The following SP4 variants were observed in gnomAD, a reference collection of about 807,000 sequenced individuals.
SP4 encodes transcription factor Sp4.
SP4 carries 19 observed loss-of-function variants against 72.8 expected under a neutral mutation model. The ratio of observed to expected loss-of-function variants is 0.26; its 90% CI spans 0.18 to 0.38. SP4 has a LOEUF of 0.38. Ranked by LOEUF, SP4 falls within the 10% of genes least tolerant of loss-of-function variation. The pLI is 1.00. For synonymous variants in SP4, 395 were observed against 333.1 expected (o/e 1.19, Z -2.02); for missense variants, 1,008 against 926.3 (o/e 1.09, Z -1.14).
At chr7:21,482,818 G>C (rs1187327272) in intron 5 of SP4, 1 of 884,082 alleles carries the variant, frequency 1.1e-6, no homozygotes, top group Non-Finnish European at 1.4e-6. Context: ...AGATCTGTTT[G>C]TACATATATG....
chr7:21,514,095 A>C lies in SP4; in HGVS notation c.*2826A>C, dbSNP rs1214073590. ...GCAAAGCTATGTATTTATCATGGTA[A>C]AACTCCAGTGTTAGAATAGTTTTTT... On this transcript the variant is annotated 3_prime_UTR_variant, in exon 6 of 6. Transcript: ENST00000222584. 6.6e-6 allele frequency: 1 copy of C among 152,622 alleles called. No homozygotes were observed. Among genetic ancestry groups the C allele is most frequent in the African/African-American group, 2.4e-5 (1 of 41,450 alleles). The allele number at this position is 152,622 out of a possible 1,614,324, so 9.5% of individuals were successfully genotyped here.
chr7:21,467,787 A>G (rs940584802), intron 3 of SP4, among the ~76,000 whole-genome samples: 1 of 152,122 alleles, frequency 6.6e-6, no homozygotes, highest in African/African-American at 2.4e-5. Flanking sequence ...GAACAGAAAA[A>G]ATCCCACTGC....
At chr7:21,430,883 T>C in intron 3 of SP4, 40 bp downstream of exon 3, 1 of 1,416,396 alleles carries the variant, frequency 7.1e-7, no homozygotes, top group Non-Finnish European at 9.7e-7. Flanking sequence ...TTAAATAGTT[T>C]TTCATAACAA....
chr7:21,492,234 A>T (rs944930059), intron 5 of SP4, among the ~76,000 whole-genome samples: 1 of 152,230 alleles, frequency 6.6e-6, no homozygotes, highest in East Asian at 1.9e-4. Flanking sequence ...AAAGTTAGAT[A>T]TATACCAACC....
intron 5 of SP4, among the ~76,000 whole-genome samples, chr7:21,509,541 ATCT>A (rs1205424599): frequency 6.6e-6 from 1 of 151,978 alleles, no homozygotes. Context: ...ATGGAGGTGC[ATCT>A]TCTTTGTGTT....
At chr7:21,441,861 G>A (rs1783254759) in intron 3 of SP4, among the ~76,000 whole-genome samples, 1 of 152,092 alleles carries the variant, frequency 6.6e-6, no homozygotes, top group Non-Finnish European at 1.5e-5. Context: ...CATGGTAATA[G>A]GCATTGAGAA....
At chr7:21,434,387 C>A (rs1299718044) in intron 3 of SP4, among the ~76,000 whole-genome samples, 1 of 152,116 alleles carries the variant, frequency 6.6e-6, no homozygotes, top group Non-Finnish European at 1.5e-5. Flanking sequence ...CTTCATACTT[C>A]GTTTTATGAA....
At chr7:21,491,062 G>A (rs1784965813) in intron 5 of SP4, among the ~76,000 whole-genome samples, 1 of 152,138 alleles carries the variant, frequency 6.6e-6, no homozygotes, top group Non-Finnish European at 1.5e-5. Flanking sequence ...TTTTTATTAA[G>A]AGAGAAGATA....
chr7:21,504,259 A>G (rs1023546709), intron 5 of SP4, among the ~76,000 whole-genome samples: 9 of 152,180 alleles, frequency 5.9e-5, no homozygotes, highest in Non-Finnish European at 8.8e-5. Context: ...TTCCCCAGGT[A>G]CCAATTATTT....
At chr7:21,476,145 A>G (rs922022351) in intron 3 of SP4, among the ~76,000 whole-genome samples, 1 of 152,010 alleles carries the variant, frequency 6.6e-6, no homozygotes, top group African/African-American at 2.4e-5. Flanking sequence ...ATGGTGGCAC[A>G]CGCCTGTCAT....
chr7:21,457,639 T>A (rs1319323018), intron 3 of SP4, among the ~76,000 whole-genome samples: 3 of 152,222 alleles, frequency 2.0e-5, no homozygotes, highest in South Asian at 2.1e-4. Context: ...CATTGTCTGC[T>A]AAGATGATGA....
chr7:21,499,680 T>A (rs1365054237), intron 5 of SP4, among the ~76,000 whole-genome samples: 1 of 152,242 alleles, frequency 6.6e-6, no homozygotes, highest in Non-Finnish European at 1.5e-5. Context: ...TTTGTGGTAT[T>A]TTCTTATAGA....
At chr7:21,479,071 A>C in intron 4 of SP4, among the ~76,000 whole-genome samples, 1 of 150,892 alleles carries the variant, frequency 6.6e-6, no homozygotes, top group African/African-American at 2.4e-5. Context: ...CCATCTCAAA[A>C]AAAAAAAAAG....
chr7:21,446,047 GAT>G (rs1258177375), intron 3 of SP4, among the ~76,000 whole-genome samples: 31 of 97,066 alleles, frequency 3.2e-4, no homozygotes, highest in Admixed American at 5.2e-4. Context: ...TATGTAGGTA[GAT>G]ATATATGTGT....
At position 21,463,615 on chromosome 7, in the gene SP4, C is replaced by T. The variant is rs187901165; in HGVS notation, c.1679-13464C>T. Among the ~76,000 whole-genome samples, 74 of 152,198 alleles carry T rather than the reference C, an allele frequency of 4.9e-4. 1 individual carries two copies. The highest frequency in any genetic ancestry group is 7.9e-4 in the Non-Finnish European group (54 of 67,998). ...GATGAAGATTGAGTTCAAAAATAAACGGAGTGAAAGGGACAGGAAGTTAAA... is the reference window on the plus strand; with the variant it reads ...GATGAAGATTGAGTTCAAAAATAAATGGAGTGAAAGGGACAGGAAGTTAAA... On this transcript the variant is annotated intron_variant, in intron 3 of 5. Coordinates refer to ENST00000222584, the MANE Select transcript of SP4 (RefSeq NM_003112.5).
At chr7:21,493,348 A>G (rs1304445334) in intron 5 of SP4, among the ~76,000 whole-genome samples, 1 of 152,252 alleles carries the variant, frequency 6.6e-6, no homozygotes, top group African/African-American at 2.4e-5. Flanking sequence ...AATATTTCCA[A>G]TTAAATGAAA....
At chr7:21,476,973 A>T in intron 3 of SP4, 106 bp from the exon 4 acceptor site, 1 of 762,250 alleles carries the variant, frequency 1.3e-6, no homozygotes, top group Non-Finnish European at 2.1e-6. Flanking sequence ...TTTGTACTTT[A>T]CACAGATTGT....
intron 3 of SP4, among the ~76,000 whole-genome samples, chr7:21,459,181 G>A (rs775679583): frequency 8.5e-5 from 13 of 152,252 alleles, no homozygotes; most frequent in East Asian, 3.9e-4. Context: ...GTGCAGTGGC[G>A]CGATCTCAGC....
intron 5 of SP4, among the ~76,000 whole-genome samples, chr7:21,491,261 A>G (rs1181135881): frequency 2.6e-5 from 4 of 152,232 alleles, no homozygotes; most frequent in Non-Finnish European, 5.9e-5. Context: ...TTAGAAAAAT[A>G]CAATATTAAA....
Sources: gnomAD v4.1 joint callset for allele counts (sites outside exome capture counted in the v4.1 genomes callset) on GRCh38, gnomAD v4.1.1 for gene constraint, MANE v1.5 for transcripts, NCBI Gene and HGNC (gene_info 2026-07-23, HGNC 2026-07-21) for gene names.